OTUD7A: variants seen among roughly 807,000 people sequenced by gnomAD.
OTUD7A encodes the protein OTU deubiquitinase 7A, also known as OTU domain-containing protein 7A.
In OTUD7A, 12 loss-of-function variants were observed where a neutral mutation model predicts 65.7. The observed-to-expected ratio is 0.18, with a 90% CI of 0.12 to 0.30. OTUD7A has a LOEUF of 0.30. Among genes scored for constraint, OTUD7A ranks in the 10% least tolerant of loss-of-function variants. The probability of loss-of-function intolerance (pLI) is 1.00; values close to 1 mark genes in which losing one functional copy is unlikely to be tolerated. For synonymous variants in OTUD7A, 641 were observed against 586.3 expected, an observed-to-expected ratio of 1.09 and a Z score of -1.35; for missense variants, 1,148 against 1,304.8, an observed-to-expected ratio of 0.88 and a Z score of 1.85.
At chr15:31,679,192 C>T (rs1289564636) in intron 1 of OTUD7A, among the ~76,000 whole-genome samples, 1 of 152,188 alleles carries the variant, frequency 6.6e-6, no homozygotes, top group African/African-American at 2.4e-5. Flanking sequence ...GCTTGTACCC[C>T]CATTGTATCT....
intron 1 of OTUD7A, among the ~76,000 whole-genome samples, chr15:31,821,804 T>A (rs184721464): frequency 7.9e-5 from 12 of 152,368 alleles, no homozygotes; most frequent in African/African-American, 2.6e-4. Flanking sequence ...ATTCTACACA[T>A]CCTAGTGGAT....
At chr15:31,586,339 T>C (rs540868864) in intron 3 of OTUD7A, among the ~76,000 whole-genome samples, 1 of 152,224 alleles carries the variant, frequency 6.6e-6, no homozygotes, top group Non-Finnish European at 1.5e-5. Flanking sequence ...ATAGCTCACA[T>C]ACCTATCAAT....
intron 3 of OTUD7A, among the ~76,000 whole-genome samples, chr15:31,630,574 G>T (rs1278142554): frequency 6.6e-6 from 1 of 152,186 alleles, no homozygotes; most frequent in Non-Finnish European, 1.5e-5. Flanking sequence ...TTGATTTGGG[G>T]TGGAGAGTTC....
intron 1 of OTUD7A, among the ~76,000 whole-genome samples, chr15:31,669,087 T>C (rs1317203895): frequency 6.6e-6 from 1 of 152,188 alleles, no homozygotes; most frequent in Admixed American, 6.5e-5. Flanking sequence ...CAAGGATTCT[T>C]AGCTTTGGTG....
At position 31,537,141 on chromosome 15, in the gene OTUD7A, G is replaced by T. The variant is rs570873042; in HGVS notation, c.551-6333C>A. 5.3e-5 allele frequency among the ~76,000 whole-genome samples: 8 copies of T among 152,186 alleles called. No individual in the cohort carries two copies. In the South Asian group the frequency reaches 1.5e-3, roughly 28 times the overall value. On this transcript the variant is annotated intron_variant, in intron 5 of 12. Transcript: ENST00000307050. ...ACTGCGAGTAAGCTTGAAAATTAAG[G>T]CCCTCAGGAGTATATTTATTTTAGA...
chr15:31,856,400 T>C (rs1461805128), intron 1 of OTUD7A, among the ~76,000 whole-genome samples: 1 of 152,166 alleles, frequency 6.6e-6, no homozygotes, highest in Non-Finnish European at 1.5e-5. Context: ...ATATTAGATT[T>C]TTTTTCATGA....
chr15:31,615,311 A>T lies in OTUD7A; in HGVS notation c.151+39785T>A, dbSNP rs1255020463. On this transcript the variant is annotated intron_variant, in intron 3 of 12. Transcript: ENST00000307050. Reference sequence around the variant, plus strand: ...ATATATCATGCAAACACTAATCAAAAGAGCTAATGTAGAAAAACCAATGTC... The same window carrying T: ...ATATATCATGCAAACACTAATCAAATGAGCTAATGTAGAAAAACCAATGTC... 3.3e-5 allele frequency among the ~76,000 whole-genome samples: 5 copies of T among 152,348 alleles called. No individual in the cohort carries two copies. The East Asian group carries it at 9.6e-4, about 29-fold the overall frequency.
In OTUD7A at chr15:31,760,243, C is replaced by T. The variant is rs149891153; in HGVS notation, c.-99-103166G>A. Reference sequence around the variant, plus strand: ...CTTTGGATGCTACCCTCCTCACCTGCTAAAAGTTACTAAGGGACATCATCC... The same window carrying T: ...CTTTGGATGCTACCCTCCTCACCTGTTAAAAGTTACTAAGGGACATCATCC... On this transcript the variant is annotated intron_variant, in intron 1 of 12. Coordinates refer to ENST00000307050, the MANE Select transcript of OTUD7A (RefSeq NM_001382637.1). Among the ~76,000 whole-genome samples, 42 of 152,250 alleles carry T rather than the reference C, an allele frequency of 2.8e-4. 1 individual carries two copies. The highest frequency in any genetic ancestry group is 6.8e-3 in the Middle Eastern group (2 of 292).
At chr15:31,773,114 G>C (rs915328571) in intron 1 of OTUD7A, among the ~76,000 whole-genome samples, 4 of 152,132 alleles carry the variant, frequency 2.6e-5, no homozygotes, top group African/African-American at 9.7e-5. Flanking sequence ...TTTAATGAAC[G>C]ATTATTATTT....
At chr15:31,739,713 C>T (rs1467771999) in intron 1 of OTUD7A, among the ~76,000 whole-genome samples, 1 of 152,160 alleles carries the variant, frequency 6.6e-6, no homozygotes, top group Admixed American at 6.5e-5. Flanking sequence ...GTGCCTCAGC[C>T]ACCAGAGTAG....
intron 10 of OTUD7A, among the ~76,000 whole-genome samples, chr15:31,493,244 T>C (rs954722386): frequency 6.6e-6 from 1 of 152,066 alleles, no homozygotes; most frequent in Non-Finnish European, 1.5e-5. Flanking sequence ...AGTAGCCATA[T>C]TTATGTCAAA....
At chr15:31,494,535 G>A (rs2041357956) in intron 10 of OTUD7A, among the ~76,000 whole-genome samples, 2 of 152,220 alleles carry the variant, frequency 1.3e-5, no homozygotes, top group Non-Finnish European at 2.9e-5. Flanking sequence ...AAAAAGTGCT[G>A]ACCAGAATTA....
At chr15:31,787,216 A>G (rs1222049162) in intron 1 of OTUD7A, among the ~76,000 whole-genome samples, 3 of 152,222 alleles carry the variant, frequency 2.0e-5, no homozygotes, top group Admixed American at 2.0e-4. Context: ...GGAAAAGGGC[A>G]CTTGATGGTT....
chr15:31,640,173 A>C (rs1170056684), intron 3 of OTUD7A, among the ~76,000 whole-genome samples: 2 of 152,224 alleles, frequency 1.3e-5, no homozygotes, highest in African/African-American at 4.8e-5. Flanking sequence ...GAAGTAACTC[A>C]GGAATGGAAA....
At chr15:31,863,638 G>A (rs987873003) in intron 1 of OTUD7A, among the ~76,000 whole-genome samples, 1 of 152,190 alleles carries the variant, frequency 6.6e-6, no homozygotes, top group African/African-American at 2.4e-5. Context: ...GCTGCACACA[G>A]CTCGGGGACC....
intron 1 of OTUD7A, among the ~76,000 whole-genome samples, chr15:31,670,006 G>A (rs1892439512): frequency 6.9e-6 from 1 of 144,276 alleles, no homozygotes; most frequent in South Asian, 2.2e-4. Context: ...GGTGTTTCCT[G>A]GGTCCTGCAG....
chr15:31,675,978 C>G (rs894635249), intron 1 of OTUD7A, among the ~76,000 whole-genome samples: 6 of 152,070 alleles, frequency 3.9e-5, no homozygotes, highest in African/African-American at 9.7e-5. Context: ...TGAATGCAAT[C>G]AATACAGAAT....
intron 1 of OTUD7A, among the ~76,000 whole-genome samples, chr15:31,677,156 C>A (rs1370895811): frequency 6.6e-6 from 1 of 152,196 alleles, no homozygotes; most frequent in Non-Finnish European, 1.5e-5. Flanking sequence ...TCTCCCTTAT[C>A]TCTTATTTGC....
chr15:31,648,072 T>C (rs1050608169), intron 3 of OTUD7A, among the ~76,000 whole-genome samples: 1 of 151,960 alleles, frequency 6.6e-6, no homozygotes, highest in African/African-American at 2.4e-5. Flanking sequence ...TATGAAAAAT[T>C]GGAGGAAATG....
Sources: allele counts gnomAD v4.1 joint callset (sites outside exome capture counted in the v4.1 genomes callset), GRCh38; gene constraint gnomAD v4.1.1; transcripts MANE v1.5; gene names NCBI Gene and HGNC (gene_info 2026-07-23, HGNC 2026-07-21).